The following ZNF219 variants were observed in gnomAD, a reference collection of about 807,000 sequenced individuals.
ZNF219 encodes the protein zinc finger protein 219.
A neutral mutation model predicts 54.4 loss-of-function variants in ZNF219; 17 were observed. That is an observed-to-expected ratio of 0.31 (90% CI 0.21 to 0.47). ZNF219 has a LOEUF of 0.47. Ranked by LOEUF, ZNF219 falls within the 20% of genes least tolerant of loss-of-function variation. The pLI is 1.00. For synonymous variants in ZNF219, 518 were observed against 476.4 expected (o/e 1.09, Z -1.14); for missense variants, 1,014 against 1,062.3 (o/e 0.95, Z 0.63).
upstream of ZNF219, chr14:21,103,417 G>T (rs1472477097): frequency 4.1e-6 from 5 of 1,232,668 alleles, no homozygotes; most frequent in South Asian, 7.9e-5. Flanking sequence ...ACACCTGGAC[G>T]AGAATATATC....
chr14:21,090,514 G>T lies in ZNF219; in HGVS notation c.*22C>A. 3 of 1,569,188 alleles carry T rather than the reference G, an allele frequency of 1.9e-6. No individual in the cohort carries two copies. In the South Asian group the frequency reaches 3.5e-5, roughly 18 times the overall value. On this transcript the variant is annotated 3_prime_UTR_variant, in exon 5 of 5. Transcript: ENST00000360947. This position sits in a 1 kb window ranked among gnomAD's most constrained non-coding sequence, Gnocchi z 4.4. The stretch of plus-strand genomic sequence containing the variant: ...CGCTCCGGCGGGGTAAGCTCACTAA[G>T]CTAATCGCCCCTGAGGGCCCACTAC...
In ZNF219 at chr14:21,092,811, G is replaced by A. The variant is rs1460740384; in HGVS notation, c.486C>T (p.Ala162=). ...LARPQAPSSS[A]FRCPYCKGKF... is the part of the protein sequence containing the mutation. ...TGCCTTTGCAGTAGGGGCAACGGAA[G>A]GCGGACGATGAAGGAGCCTGGGGCC... Residue 162 remains alanine (A), a synonymous_variant, in exon 3 of 5, where the codon GCC becomes GCT. Transcript: ENST00000360947. 1.3e-6 allele frequency: 2 copies of A among 1,577,702 alleles called. No individual in the cohort carries two copies. Among genetic ancestry groups the A allele is most frequent in the Admixed American group, 1.8e-5 (1 of 55,874 alleles).
chr14:21,090,980 T>A lies in ZNF219; in HGVS notation c.1725A>T (p.Gln575His), dbSNP rs1191924884. The A allele has an allele frequency of 1.9e-6, 3 of 1,549,946 alleles. No homozygotes were observed. Among genetic ancestry groups the A allele is most frequent in the Non-Finnish European group, 2.6e-6 (3 of 1,154,504 alleles). Reference protein sequence around the residue: ...PPPSQRGSAPQSGAKPSPQPA... With the variant: ...PPPSQRGSAPHSGAKPSPQPA... ...GCTGCGGAGACGGCTTGGCTCCAGA[T>A]TGCGGGGCCGAACCCCGCTGGGAAG... Residue 575 changes from glutamine (Q) to histidine (H), a missense_variant, in exon 5 of 5, where the codon CAA (glutamine) becomes CAT (histidine). Coordinates refer to ENST00000360947, the MANE Select transcript of ZNF219 (RefSeq NM_016423.3). This position sits in a 1 kb window ranked among gnomAD's most constrained non-coding sequence, Gnocchi z 4.4.
At chr14:21,094,991 G>C (rs1351794306) in intron 1 of ZNF219, among the ~76,000 whole-genome samples, 1 of 150,540 alleles carries the variant, frequency 6.6e-6, no homozygotes, top group African/African-American at 2.4e-5. Context: ...AACTGAAATG[G>C]GTTACTGAGA....
In ZNF219 at chr14:21,092,142, T is replaced by C. The variant is rs988786579; in HGVS notation, c.1155A>G (p.Arg385=). Residue 385 remains arginine, a synonymous_variant, in exon 3 of 5, where the codon CGA becomes CGG. Coordinates refer to ENST00000360947, the MANE Select transcript of ZNF219 (RefSeq NM_016423.3). ...CGCCGTTGGGCCGGCCCTCGCCAGCTCGCAGGCTCAGGTAGCCCAAGAGGC... is the reference window on the plus strand; with the variant it reads ...CGCCGTTGGGCCGGCCCTCGCCAGCCCGCAGGCTCAGGTAGCCCAAGAGGC... ...PPSLLGYLSL[R]AGEGRPNGEG... 15 of 1,491,160 alleles carry C rather than the reference T, an allele frequency of 1.0e-5. No individual in the cohort carries two copies. Among genetic ancestry groups the C allele is most frequent in the African/African-American group, 7.1e-5 (5 of 69,966 alleles). 92.4% of individuals were successfully genotyped at this position (1,491,160 alleles called of 1,614,324 possible). A position where few individuals can be genotyped will look rare whatever the true frequency, so the allele number is the denominator to read the frequency against.
chr14:21,098,936 G>T, upstream of ZNF219: 1 of 1,051,428 alleles, frequency 9.5e-7, no homozygotes, highest in Non-Finnish European at 1.3e-6. Flanking sequence ...GGAGGAGGAG[G>T]GGCGATTATA....
At chr14:21,096,249 T>C (rs193169780) in intron 1 of ZNF219, among the ~76,000 whole-genome samples, 279 of 152,270 alleles carry the variant, frequency 1.8e-3, no homozygotes, top group African/African-American at 6.5e-3. Flanking sequence ...ACTTTGCACA[T>C]AGCAGTTTCC....
At chr14:21,101,296 CA>C (rs202234056), upstream of ZNF219, 228 of 1,522,248 alleles carry the variant, frequency 1.5e-4, no homozygotes, top group East Asian at 5.6e-3. Flanking sequence ...ACCTATAACG[CA>C]TTTTTCCCAG....
In ZNF219 at chr14:21,091,117, G is replaced by T; in HGVS notation, c.1588C>A (p.His530Asn). ...GACTGGGTGCCCGCGTAGTCGCAGT[G>T]CGGACACTTGTAGGGCCGCTCGCCT... ...HTGERPYKCP[H>N]CDYAGTQSGS... is the part of the protein sequence containing the mutation. Residue 530 changes from histidine (H) to asparagine (N), a missense_variant, in exon 5 of 5, where the codon CAC becomes AAC. Coordinates refer to ENST00000360947, the MANE Select transcript of ZNF219 (RefSeq NM_016423.3). 6.3e-7 allele frequency: 1 copy of T among 1,591,736 alleles called. No homozygotes were observed.
rs1299419413 is a variant in ZNF219, at chr14:21,090,770, G to C, written c.1935C>G (p.Leu645=). Residue 645 remains leucine (L), a synonymous_variant, in exon 5 of 5, where the codon CTC becomes CTG. Coordinates refer to ENST00000360947, the MANE Select transcript of ZNF219 (RefSeq NM_016423.3). The surrounding 1 kb of genome is among the most constrained non-coding windows in gnomAD (Gnocchi z 4.4). ...PGGEAGPGGA[L]HRCLFCPFAT... is the part of the protein sequence containing the mutation. ...CGAACGGGCAGAAGAGGCAGCGGTG[G>C]AGGGCACCCCCAGGCCCGGCCTCGC... 9.4e-6 allele frequency: 15 copies of C among 1,602,984 alleles called. No individual in the cohort carries two copies. The highest frequency in any genetic ancestry group is 1.3e-5 in the Non-Finnish European group (15 of 1,175,694).
In ZNF219 at chr14:21,091,748, A is replaced by G; in HGVS notation, c.1432+117T>C. 2.1e-6 allele frequency: 3 copies of G among 1,453,198 alleles called. No individual in the cohort carries two copies. The South Asian group carries it at 4.5e-5, about 22-fold the overall frequency. 90.0% of individuals were successfully genotyped at this position (1,453,198 alleles called of 1,614,324 possible). A position where few individuals can be genotyped will look rare whatever the true frequency, so the allele number is the denominator to read the frequency against. On this transcript the variant is annotated intron_variant, in intron 3 of 4. Transcript: ENST00000360947. ...CAGGAAAACAAAACAAAACAAAACAAAAAAACTCAGGAGAAATTAAACGTA... is the reference window on the plus strand; with the variant it reads ...CAGGAAAACAAAACAAAACAAAACAGAAAAACTCAGGAGAAATTAAACGTA...
At position 21,091,080 on chromosome 14, in the gene ZNF219, T is replaced by C; in HGVS notation, c.1625A>G (p.Lys542Arg). ...CCGGTGGTGGCGCTGTAGGTGATAC[T>C]TGAGCGAGCCGGACTGGGTGCCCGC... The part of the protein sequence containing the change: ...DYAGTQSGSL[K>R]YHLQRHHREQ... The change falls in exon 5 of 5, where the codon AAG (lysine) becomes AGG (arginine). Residue 542 changes from lysine to arginine, a missense_variant. Lys to Arg is a conservative substitution (Grantham distance 26, BLOSUM62 2). Transcript: ENST00000360947. The C allele has an allele frequency of 6.4e-7, 1 of 1,571,076 alleles. No homozygotes were observed. The highest frequency in any genetic ancestry group is 8.6e-7 in the Non-Finnish European group (1 of 1,162,896).
At chr14:21,098,148 TTTGC>T (rs1296065711) in intron 1 of ZNF219, among the ~76,000 whole-genome samples, 160 bp downstream of exon 1, 1 of 138,910 alleles carries the variant, frequency 7.2e-6, no homozygotes, top group Non-Finnish European at 1.6e-5. Flanking sequence ...CTGGGCGAAG[TTTGC>T]TTGGGGCCGA....
Position 21,091,101 on chromosome 14 carries a change from C to T in ZNF219, c.1604G>A (p.Gly535Asp). Residue 535 changes from glycine to aspartate, a missense_variant, in exon 5 of 5, where the codon GGC (glycine) becomes GAC (aspartate). Physicochemically the swap from Gly to Asp is moderately conservative, Grantham distance 94. Transcript: ENST00000360947. ...ATACTTGAGCGAGCCGGACTGGGTG[C>T]CCGCGTAGTCGCAGTGCGGACACTT... Reference protein sequence around the residue: ...PYKCPHCDYAGTQSGSLKYHL... With the variant: ...PYKCPHCDYADTQSGSLKYHL... 1 of 1,581,304 alleles carries T rather than the reference C, an allele frequency of 6.3e-7. No individual in the cohort carries two copies. Among genetic ancestry groups the T allele is most frequent in the Non-Finnish European group, 8.6e-7 (1 of 1,167,672 alleles).
At chr14:21,101,052 C>T (rs1405209480), upstream of ZNF219, 1 of 298,620 alleles carries the variant, frequency 3.3e-6, no homozygotes, top group South Asian at 3.5e-5. Flanking sequence ...GAAACCTTTG[C>T]CCCACCACAC....
In ZNF219 at chr14:21,090,444, C is replaced by T; in HGVS notation, c.*92G>A. The T allele has an allele frequency of 6.8e-7, 1 of 1,467,066 alleles. No individual in the cohort carries two copies. The highest frequency in any genetic ancestry group is 9.1e-7 in the Non-Finnish European group (1 of 1,093,858). 90.9% of individuals were successfully genotyped at this position (1,467,066 alleles called of 1,614,324 possible). ...CTGGGGCTGGGATATGGGTCCCACG[C>T]TGCCCCCTGCTGGCTTCTCTACCCA... On this transcript the variant is annotated 3_prime_UTR_variant, in exon 5 of 5. Transcript: ENST00000360947. This position sits in a 1 kb window ranked among gnomAD's most constrained non-coding sequence, Gnocchi z 4.4.
chr14:21,090,927 C>T lies in ZNF219; in HGVS notation c.1778G>A (p.Ser593Asn). Residue 593 changes from serine to asparagine, a missense_variant, in exon 5 of 5, where the codon AGT becomes AAT. Transcript: ENST00000360947. This position sits in a 1 kb window ranked among gnomAD's most constrained non-coding sequence, Gnocchi z 4.4. Reference protein sequence around the residue: ...QPATWVEGASSPRPPSSGAGP... With the variant: ...QPATWVEGASNPRPPSSGAGP... ...AGCACCGCTAGAAGGAGGCCGGGGA[C>T]TTGAGGCGCCCTCCACCCAGGTCGC... 1 of 1,546,972 alleles carries T rather than the reference C, an allele frequency of 6.5e-7. No homozygotes were observed. The highest frequency in any genetic ancestry group is 8.7e-7 in the Non-Finnish European group (1 of 1,150,758).
chr14:21,093,433 G>A, intron 2 of ZNF219, 143 bp from the exon 3 acceptor site: 26 of 1,435,500 alleles, frequency 1.8e-5, no homozygotes, highest in Non-Finnish European at 2.5e-5. Flanking sequence ...ACTCACCTCG[G>A]GAAGATGGGG....
At position 21,093,196 on chromosome 14, in the gene ZNF219, G is replaced by T; in HGVS notation, c.101C>A (p.Ala34Asp). ...LDLQRYSNGP[A>D]VSAGSLGMGA... ...CATCCCGAGCGACCCTGCGCTCACG[G>T]CTGGCCCGTTGGAGTATCGCTGCAG... Residue 34 changes from alanine to aspartate, a missense_variant, in exon 3 of 5, where the codon GCC becomes GAC. Physicochemically the swap from Ala to Asp is moderately radical, Grantham distance 126. This residue lies in a region of ZNF219 where 395 missense variants were observed against 415.1 expected (regional missense o/e 0.95). Coordinates refer to ENST00000360947, the MANE Select transcript of ZNF219 (RefSeq NM_016423.3). The T allele has an allele frequency of 6.2e-7, 1 of 1,607,824 alleles. No homozygotes were observed.
Sources: allele counts gnomAD v4.1 joint callset (sites outside exome capture counted in the v4.1 genomes callset), GRCh38; gene constraint gnomAD v4.1.1; regional missense constraint gnomAD v4.1.1; non-coding constraint Gnocchi (gnomAD v3.1); transcripts MANE v1.5; gene names NCBI Gene and HGNC (gene_info 2026-07-23, HGNC 2026-07-21).